STIMATE: variants seen among roughly 807,000 people sequenced by gnomAD.
The protein encoded by STIMATE is store-operated calcium entry regulator STIMATE.
STIMATE carries 15 observed loss-of-function variants against 36.7 expected under a neutral mutation model. The observed-to-expected ratio is 0.41, with a 90% CI of 0.27 to 0.63. STIMATE has a LOEUF of 0.63. STIMATE is among the 20% of genes least tolerant of loss of function. The probability of loss-of-function intolerance (pLI) is 0.32; values close to 1 mark genes in which losing one functional copy is unlikely to be tolerated. For missense variants in STIMATE, 305 were observed against 397.3 expected, an observed-to-expected ratio of 0.77 and a Z score of 1.98; for synonymous variants, 163 against 162.3, an observed-to-expected ratio of 1.00 and a Z score of -0.03.
intron 3 of STIMATE, among the ~76,000 whole-genome samples, chr3:52,850,386 T>C (rs7645169): frequency 0.89 from 135,368 of 152,068 alleles, 62,152 homozygotes; most frequent in Non-Finnish European, 1. Context: ...GAGCTGAGAT[T>C]GCACCACTGC....
At chr3:52,848,039 G>A (rs1489571948) in intron 4 of STIMATE, 1 of 154,536 alleles carries the variant, frequency 6.5e-6, no homozygotes, top group Admixed American at 6.4e-5. Context: ...CTTTAGCCCA[G>A]TGAGACCCAT....
chr3:52,885,770 C>T (rs547730761), intron 1 of STIMATE, among the ~76,000 whole-genome samples: 2 of 152,350 alleles, frequency 1.3e-5, no homozygotes, highest in Non-Finnish European at 2.9e-5. Context: ...TGCTGGGCTT[C>T]GCTTGGGTTC....
intron 1 of STIMATE, among the ~76,000 whole-genome samples, chr3:52,860,199 C>T (rs955941970): frequency 2.6e-5 from 4 of 151,700 alleles, no homozygotes; most frequent in South Asian, 2.1e-4. Context: ...GTGACAAGCC[C>T]CATTCAGCAG....
chr3:52,847,306 A>C, intron 4 of STIMATE: 1 of 1,187,652 alleles, frequency 8.4e-7, no homozygotes, highest in South Asian at 1.6e-5. Context: ...TCACAGCAAT[A>C]GGGGCCAAAA....
rs1700728564 is a variant in STIMATE, at chr3:52,837,740, A to G, written c.*2754T>C. 1 of 152,248 alleles carries G rather than the reference A, an allele frequency of 6.6e-6. No individual in the cohort carries two copies. The highest frequency in any genetic ancestry group is 1.5e-5 in the Non-Finnish European group (1 of 68,036). 9.4% of individuals were successfully genotyped at this position (152,248 alleles called of 1,614,324 possible). A position where few individuals can be genotyped will look rare whatever the true frequency, so the allele number is the denominator to read the frequency against. On this transcript the variant is annotated 3_prime_UTR_variant, in exon 8 of 8. Coordinates refer to ENST00000355083, the MANE Select transcript of STIMATE (RefSeq NM_198563.5). Reference sequence around the variant, plus strand: ...TGGACAAATCAGATTCATAGCACACAATATCCAGCCAACGTCCCACCATTT... The same window carrying G: ...TGGACAAATCAGATTCATAGCACACGATATCCAGCCAACGTCCCACCATTT...
At chr3:52,890,937 C>G (rs1338875262) in intron 1 of STIMATE, among the ~76,000 whole-genome samples, 3 of 152,194 alleles carry the variant, frequency 2.0e-5, no homozygotes, top group Admixed American at 2.0e-4. Flanking sequence ...AATCACCACC[C>G]TCTGCCCAGG....
chr3:52,888,174 C>G (rs1467986943), intron 1 of STIMATE, among the ~76,000 whole-genome samples: 1 of 151,834 alleles, frequency 6.6e-6, no homozygotes, highest in African/African-American at 2.4e-5. Flanking sequence ...TTCTGAACCC[C>G]TTTTTTGCTC....
chr3:52,889,835 T>C (rs1230160277), intron 1 of STIMATE, among the ~76,000 whole-genome samples: 2 of 152,198 alleles, frequency 1.3e-5, no homozygotes, highest in Non-Finnish European at 2.9e-5. Context: ...AAATGGAGCA[T>C]GCAGTACAGC....
intron 4 of STIMATE, among the ~76,000 whole-genome samples, chr3:52,845,337 C>T (rs533029528): frequency 1.4e-4 from 21 of 152,336 alleles, no homozygotes; most frequent in African/African-American, 5.0e-4. Flanking sequence ...GGCTGCCCCT[C>T]CCTTCTCTGT....
At chr3:52,889,435 T>C (rs1040577912) in intron 1 of STIMATE, among the ~76,000 whole-genome samples, 1 of 152,188 alleles carries the variant, frequency 6.6e-6, no homozygotes, top group African/African-American at 2.4e-5. Flanking sequence ...CCATAAAAGC[T>C]AGTTAACAAT....
intron 1 of STIMATE, among the ~76,000 whole-genome samples, chr3:52,872,127 C>T (rs1279994762): frequency 9.9e-5 from 15 of 152,058 alleles, no homozygotes; most frequent in Admixed American, 9.2e-4. Flanking sequence ...TTGTCCCATC[C>T]CTCAGTCTCA....
chr3:52,846,194 C>T (rs983759504), intron 4 of STIMATE, among the ~76,000 whole-genome samples: 7 of 152,228 alleles, frequency 4.6e-5, no homozygotes, highest in Admixed American at 6.5e-5. Flanking sequence ...GTGGCAGAAA[C>T]ACATCAGTCG....
chr3:52,846,429 G>A (rs1007630995), intron 4 of STIMATE: 5 of 152,202 alleles, frequency 3.3e-5, no homozygotes, highest in African/African-American at 1.2e-4. Flanking sequence ...GAGGACAGTT[G>A]GACAGAAAGC....
At chr3:52,895,026 C>A (rs1432079998) in intron 1 of STIMATE, among the ~76,000 whole-genome samples, 1 of 152,228 alleles carries the variant, frequency 6.6e-6, no homozygotes, top group Non-Finnish European at 1.5e-5. Flanking sequence ...GGGAGCCTGG[C>A]CTTCAACAGA....
intron 1 of STIMATE, among the ~76,000 whole-genome samples, chr3:52,871,046 C>G (rs1038081947): frequency 6.6e-6 from 1 of 152,096 alleles, no homozygotes; most frequent in African/African-American, 2.4e-5. Flanking sequence ...TTGCCTACCC[C>G]ACATCCTGCT....
chr3:52,874,555 C>G (rs1424670675), intron 1 of STIMATE, among the ~76,000 whole-genome samples: 1 of 152,176 alleles, frequency 6.6e-6, no homozygotes, highest in Non-Finnish European at 1.5e-5. Context: ...GAATGTATTA[C>G]TTTTGTAGTA....
intron 4 of STIMATE, among the ~76,000 whole-genome samples, chr3:52,847,908 T>C (rs1700934829): frequency 6.6e-6 from 1 of 152,148 alleles, no homozygotes; most frequent in South Asian, 2.1e-4. Context: ...CGACTCTTGT[T>C]GGCTTGGACG....
At chr3:52,849,945 C>A (rs1262289060) in intron 3 of STIMATE, 32 bp from the exon 4 acceptor site, 3 of 1,602,716 alleles carry the variant, frequency 1.9e-6, no homozygotes, top group Admixed American at 3.4e-5. Flanking sequence ...ATGGTCACGG[C>A]AGAAGCCACG....
At chr3:52,843,835 G>A in intron 5 of STIMATE, 37 bp from the exon 6 acceptor site, 2 of 1,057,636 alleles carry the variant, frequency 1.9e-6, no homozygotes, top group East Asian at 3.3e-5. Flanking sequence ...GTAGGGAGAG[G>A]CCACCGAGAG....
Sources: allele counts gnomAD v4.1 joint callset (sites outside exome capture counted in the v4.1 genomes callset), GRCh38; gene constraint gnomAD v4.1.1; transcripts MANE v1.5; gene names NCBI Gene and HGNC (gene_info 2026-07-23, HGNC 2026-07-21).